Variants in TNFSF13B observed in about 807,000 individuals in gnomAD.
TNFSF13B encodes the protein TNF superfamily member 13b, also known as tumor necrosis factor ligand superfamily member 13B.
In TNFSF13B, 8 loss-of-function variants were observed where a neutral mutation model predicts 29.1. That is an observed-to-expected ratio of 0.27 (90% CI 0.16 to 0.50). The LOEUF is 0.50. Ranked by LOEUF, TNFSF13B falls within the 20% of genes least tolerant of loss-of-function variation. The pLI is 0.98. For synonymous variants in TNFSF13B, 125 were observed against 130.8 expected (o/e 0.96, Z 0.30); for missense variants, 248 against 334.9 (o/e 0.74, Z 2.03).
At chr13:108,270,763 T>A (rs1396495789) in intron 2 of TNFSF13B, among the ~76,000 whole-genome samples, 2 of 152,146 alleles carry the variant, frequency 1.3e-5, no homozygotes, top group Non-Finnish European at 2.9e-5. Context: ...GCATTATTCA[T>A]CACTCCAGAA....
In TNFSF13B at chr13:108,304,545, T is replaced by G. The variant is rs1881717259; in HGVS notation, c.745+941T>G. ...TTCATTTTATTTTTCAAGGGTGATT[T>G]AAAATTAATCCAGGCTGGTTTTGCA... On this transcript the variant is annotated intron_variant, in intron 5 of 5. Coordinates refer to ENST00000375887, the MANE Select transcript of TNFSF13B (RefSeq NM_006573.5). 2.6e-5 allele frequency among the ~76,000 whole-genome samples: 4 copies of G among 152,222 alleles called. No individual in the cohort carries two copies. The South Asian group carries it at 8.3e-4, about 31-fold the overall frequency.
intron 2 of TNFSF13B, among the ~76,000 whole-genome samples, chr13:108,285,061 T>C (rs1003193503): frequency 3.9e-5 from 6 of 152,146 alleles, no homozygotes; most frequent in African/African-American, 1.4e-4. Flanking sequence ...ATACCTTTCT[T>C]GTATAAGATT....
chr13:108,306,231 T>A (rs367626635), intron 5 of TNFSF13B, among the ~76,000 whole-genome samples: 63 of 152,180 alleles, frequency 4.1e-4, no homozygotes, highest in African/African-American at 1.4e-3. Flanking sequence ...CATGGTCATC[T>A]AAGAAAACAA....
rs748595141 is a variant in TNFSF13B at position 108,303,445 on chromosome 13, G to T, written c.595-9G>T. Reference sequence around the variant, plus strand: ...CATTTCTGACACAGTTTTTTGGTTTGTTTCTTAGGTTTTATATACTGATAA... The same window carrying T: ...CATTTCTGACACAGTTTTTTGGTTTTTTTCTTAGGTTTTATATACTGATAA... On this transcript the variant is annotated splice_polypyrimidine_tract_variant and intron_variant, in intron 4 of 5. Coordinates refer to ENST00000375887, the MANE Select transcript of TNFSF13B (RefSeq NM_006573.5). The T allele has an allele frequency of 1.9e-6, 3 of 1,607,702 alleles. No homozygotes were observed. Among genetic ancestry groups the T allele is most frequent in the Admixed American group, 1.7e-5 (1 of 58,524 alleles).
chr13:108,270,243 G>T lies in TNFSF13B; in HGVS notation c.339+9G>T, dbSNP rs1355652484. On this transcript the variant is annotated intron_variant, in intron 1 of 5. Coordinates refer to ENST00000375887, the MANE Select transcript of TNFSF13B (RefSeq NM_006573.5). The stretch of plus-strand genomic sequence containing the variant: ...TCACCGCGGGACTGAAAGTGAGTTT[G>T]CAGCAGCTGCAAGACGCAGGCAAGA... 1.1e-5 allele frequency: 18 copies of T among 1,608,428 alleles called. No individual in the cohort carries two copies. The highest frequency in any genetic ancestry group is 1.4e-5 in the Non-Finnish European group (17 of 1,178,082).
At chr13:108,284,190 A>T (rs370115903) in intron 2 of TNFSF13B, among the ~76,000 whole-genome samples, 4 of 152,156 alleles carry the variant, frequency 2.6e-5, no homozygotes. Flanking sequence ...TTAGCCAGGC[A>T]TGGTGGCGGG....
intron 3 of TNFSF13B, among the ~76,000 whole-genome samples, chr13:108,291,140 G>T (rs1202047288): frequency 3.3e-5 from 5 of 150,648 alleles, no homozygotes; most frequent in African/African-American, 7.3e-5. Context: ...ATGGCATTTT[G>T]GTTACTAGGG....
intron 2 of TNFSF13B, among the ~76,000 whole-genome samples, chr13:108,278,691 C>CCTCTTCCTCCTCCTCCCCTT (rs1357496379): frequency 1.4e-5 from 2 of 140,746 alleles, no homozygotes; most frequent in African/African-American, 5.3e-5. Flanking sequence ...CTTTCCTCCT[C>CCTCTTCCTCCTCCTCCCCTT]CTCTTCCTCC....
intron 2 of TNFSF13B, among the ~76,000 whole-genome samples, chr13:108,271,486 A>G (rs1046168304): frequency 1.4e-4 from 20 of 142,400 alleles, no homozygotes; most frequent in Non-Finnish European, 2.2e-4. Flanking sequence ...ACACACACAC[A>G]CACGCATGAG....
intron 3 of TNFSF13B, among the ~76,000 whole-genome samples, chr13:108,299,254 A>T (rs1023119479): frequency 6.9e-6 from 1 of 145,814 alleles, no homozygotes; most frequent in African/African-American, 2.6e-5. Flanking sequence ...GTGATTCGCT[A>T]TTGAGTATTA....
chr13:108,282,596 C>G (rs796702930), intron 2 of TNFSF13B, among the ~76,000 whole-genome samples: 14 of 152,042 alleles, frequency 9.2e-5, no homozygotes, highest in African/African-American at 3.1e-4. Context: ...TATTTTTGTC[C>G]TTAAATTCTT....
chr13:108,291,755 T>C (rs989366218), intron 3 of TNFSF13B, among the ~76,000 whole-genome samples: 2 of 152,068 alleles, frequency 1.3e-5, no homozygotes, highest in African/African-American at 4.8e-5. Context: ...ATTTATTGGG[T>C]GATATAAATC....
chr13:108,305,257 C>A (rs1881738208), intron 5 of TNFSF13B, among the ~76,000 whole-genome samples: 1 of 152,158 alleles, frequency 6.6e-6, no homozygotes, highest in South Asian at 2.1e-4. Context: ...TATATAAGTA[C>A]ATAAAATGTT....
At chr13:108,280,912 G>A (rs1880930507) in intron 2 of TNFSF13B, among the ~76,000 whole-genome samples, 1 of 152,160 alleles carries the variant, frequency 6.6e-6, no homozygotes, top group Non-Finnish European at 1.5e-5. Flanking sequence ...GAGGCCGGGC[G>A]TGGTACCTCG....
At chr13:108,276,952 ATT>A (rs963512422) in intron 2 of TNFSF13B, among the ~76,000 whole-genome samples, 2 of 150,402 alleles carry the variant, frequency 1.3e-5, no homozygotes, top group Admixed American at 6.6e-5. Context: ...TTGTGGTGAT[ATT>A]TTTTTTTTAA....
intron 5 of TNFSF13B, among the ~76,000 whole-genome samples, chr13:108,305,089 CT>C (rs1246784380): frequency 6.6e-6 from 1 of 152,074 alleles, no homozygotes; most frequent in African/African-American, 2.4e-5. Flanking sequence ...AGGTGTCTTA[CT>C]TTTTAAGAAT....
intron 2 of TNFSF13B, among the ~76,000 whole-genome samples, chr13:108,270,761 C>T (rs948819795): frequency 2.0e-5 from 3 of 152,066 alleles, no homozygotes; most frequent in Middle Eastern, 3.2e-3. Flanking sequence ...AAGCATTATT[C>T]ATCACTCCAG....
chr13:108,286,521 T>C (rs1396137079), intron 2 of TNFSF13B, among the ~76,000 whole-genome samples: 1 of 152,170 alleles, frequency 6.6e-6, no homozygotes, highest in Non-Finnish European at 1.5e-5. Flanking sequence ...ACTTGCTTTC[T>C]CTTCAGCCAT....
In TNFSF13B at chr13:108,269,762, A is replaced by T. The variant is rs1433427257; in HGVS notation, c.-134A>T. 1.0e-5 allele frequency: 8 copies of T among 799,780 alleles called. No homozygotes were observed. Among genetic ancestry groups the T allele is most frequent in the Non-Finnish European group, 1.6e-5 (8 of 501,554 alleles). 49.5% of individuals were successfully genotyped at this position (799,780 alleles called of 1,614,324 possible). A position where few individuals can be genotyped will look rare whatever the true frequency, so the allele number is the denominator to read the frequency against. On this transcript the variant is annotated 5_prime_UTR_variant, in exon 1 of 6. Coordinates refer to ENST00000375887, the MANE Select transcript of TNFSF13B (RefSeq NM_006573.5). ...GGCAGAAAGGAGAAAATTCAGGATAACTCTCCTGAGGGGTGAGCCAAGCCC... is the reference window on the plus strand; with the variant it reads ...GGCAGAAAGGAGAAAATTCAGGATATCTCTCCTGAGGGGTGAGCCAAGCCC...
Sources: allele counts gnomAD v4.1 joint callset (sites outside exome capture counted in the v4.1 genomes callset), GRCh38; gene constraint gnomAD v4.1.1; transcripts MANE v1.5; gene names NCBI Gene and HGNC (gene_info 2026-07-23, HGNC 2026-07-21).